The following MYCBP2 variants were observed in gnomAD, a reference collection of about 807,000 sequenced individuals.
MYCBP2 encodes the protein E3 ubiquitin-protein ligase MYCBP2.
Under a neutral mutation model 525.3 loss-of-function variants are expected in MYCBP2, and 120 were observed. That is an observed-to-expected ratio of 0.23 (90% CI 0.20 to 0.27). The LOEUF (loss-of-function observed/expected upper bound fraction) is 0.27. MYCBP2 is among the 10% of genes least tolerant of loss of function. The probability of loss-of-function intolerance (pLI) is 1.00; values close to 1 mark genes in which losing one functional copy is unlikely to be tolerated. For synonymous variants in MYCBP2, 1,894 were observed against 1,955.8 expected (o/e 0.97, Z 0.83); for missense variants, 4,149 against 5,657.1 (o/e 0.73, Z 8.55).
At chr13:77,145,461 C>A (rs779520457) in intron 48 of MYCBP2, among the ~76,000 whole-genome samples, 1 of 152,076 alleles carries the variant, frequency 6.6e-6, no homozygotes, top group East Asian at 1.9e-4. Flanking sequence ...TCTACCTATG[C>A]CATCTATCTA....
chr13:77,274,981 T>C (rs2154348061), intron 4 of MYCBP2, among the ~76,000 whole-genome samples: 1 of 152,238 alleles, frequency 6.6e-6, no homozygotes, highest in South Asian at 2.1e-4. Context: ...CATCCTTTCA[T>C]CTATCCCTGT....
chr13:77,243,719 C>A, intron 16 of MYCBP2, 87 bp downstream of exon 16: 2 of 1,144,346 alleles, frequency 1.7e-6, no homozygotes, highest in South Asian at 2.0e-5. Context: ...AATTTATTAA[C>A]ATATATCTAA....
intron 66 of MYCBP2, chr13:77,078,001 A>G (rs1395082427): frequency 6.6e-6 from 1 of 152,210 alleles, no homozygotes; most frequent in Non-Finnish European, 1.5e-5. Flanking sequence ...CATAAAATAA[A>G]AACTGTTCTT....
chr13:77,288,668 A>G (rs996402090), intron 2 of MYCBP2, among the ~76,000 whole-genome samples: 3 of 152,210 alleles, frequency 2.0e-5, no homozygotes, highest in Non-Finnish European at 4.4e-5. Context: ...AACAAAGCTT[A>G]ACTCTTAGAG....
chr13:77,261,097 T>C, intron 12 of MYCBP2, 74 bp downstream of exon 12: 3 of 1,213,658 alleles, frequency 2.5e-6, no homozygotes, highest in South Asian at 1.6e-5. Context: ...ATAAACTTTA[T>C]CTTAATAAAG....
At chr13:77,119,229 T>C (rs1236597104) in intron 55 of MYCBP2, among the ~76,000 whole-genome samples, 4 of 152,170 alleles carry the variant, frequency 2.6e-5, no homozygotes, top group Non-Finnish European at 5.9e-5. Context: ...ATAATGAAAT[T>C]ATGTGATGGA....
intron 53 of MYCBP2, 138 bp downstream of exon 53, chr13:77,126,180 T>C (rs1466405968): frequency 3.1e-6 from 2 of 636,190 alleles, no homozygotes; most frequent in African/African-American, 1.8e-5. Context: ...AAATTATGTA[T>C]TTGCAATACA....
rs2040629692 is a variant in MYCBP2, at chr13:77,068,884, T to C, written c.11905-53A>G. The C allele has an allele frequency of 7.1e-6, 11 of 1,540,144 alleles. No individual in the cohort carries two copies. The East Asian group carries it at 1.8e-4, about 25-fold the overall frequency. ...AAAATATAGGGTTAGTTTGATTTAC[T>C]ACTCCTAGCAAAACAAGCAAACAAA... On this transcript the variant is annotated intron_variant, in intron 69 of 82. Coordinates refer to ENST00000544440, the MANE Select transcript of MYCBP2 (RefSeq NM_015057.5).
intron 2 of MYCBP2, among the ~76,000 whole-genome samples, chr13:77,291,195 G>C (rs748548983): frequency 9.9e-5 from 15 of 151,978 alleles, no homozygotes; most frequent in Non-Finnish European, 1.8e-4. Flanking sequence ...TCAATAAGAA[G>C]AAGACAATTA....
chr13:77,083,199 C>A lies in MYCBP2; in HGVS notation c.10876-7G>T. 4 of 1,609,834 alleles carry A rather than the reference C, an allele frequency of 2.5e-6. No homozygotes were observed. The highest frequency in any genetic ancestry group is 3.4e-6 in the Non-Finnish European group (4 of 1,177,752). On this transcript the variant is annotated splice_polypyrimidine_tract_variant and splice_region_variant and intron_variant, in intron 62 of 82. Coordinates refer to ENST00000544440, the MANE Select transcript of MYCBP2 (RefSeq NM_015057.5). The stretch of plus-strand genomic sequence containing the variant: ...ATACTCTTGTATCTTTCTCCTAAGG[C>A]AGAAATTGAAACAAGTTTATCAGTT...
intron 32 of MYCBP2, among the ~76,000 whole-genome samples, chr13:77,184,356 A>G (rs2060533537): frequency 2.6e-5 from 4 of 152,164 alleles, no homozygotes; most frequent in African/African-American, 9.7e-5. Flanking sequence ...ATATTCTTTC[A>G]CATTTTAATC....
intron 65 of MYCBP2, among the ~76,000 whole-genome samples, chr13:77,079,504 T>C (rs1255514474): frequency 6.6e-6 from 1 of 152,216 alleles, no homozygotes; most frequent in East Asian, 1.9e-4. Flanking sequence ...TTAACATTAA[T>C]TCCTTGGAGA....
At chr13:77,061,580 C>G in intron 75 of MYCBP2, 82 bp downstream of exon 75, 1 of 1,478,252 alleles carries the variant, frequency 6.8e-7, no homozygotes. Context: ...CACTTTTTCC[C>G]CCTACTACAC....
At chr13:77,193,200 C>T (rs1243962576) in intron 27 of MYCBP2, among the ~76,000 whole-genome samples, 2 of 151,838 alleles carry the variant, frequency 1.3e-5, no homozygotes, top group African/African-American at 4.8e-5. Flanking sequence ...CACCTTAAGG[C>T]TTTGCTGAAA....
Position 77,081,363 on chromosome 13 carries a change from A to G in MYCBP2, c.11418+64T>C. The G allele has an allele frequency of 7.4e-7, 1 of 1,350,996 alleles. No individual in the cohort carries two copies. The highest frequency in any genetic ancestry group is 2.0e-5 in the Admixed American group (1 of 50,882). The allele number at this position is 1,350,996 out of a possible 1,614,324, so 83.7% of individuals were successfully genotyped here. ...AAGCTTGTTGCTAAATTCAGAAATGAAAGTGCATGAATACTAAGATCTGAA... is the reference window on the plus strand; with the variant it reads ...AAGCTTGTTGCTAAATTCAGAAATGGAAGTGCATGAATACTAAGATCTGAA... On this transcript the variant is annotated intron_variant, in intron 65 of 82. Coordinates refer to ENST00000544440, the MANE Select transcript of MYCBP2 (RefSeq NM_015057.5). This position sits in a 1 kb window ranked among gnomAD's most constrained non-coding sequence, Gnocchi z 4.6.
At chr13:77,062,394 C>A (rs1231881248) in intron 74 of MYCBP2, among the ~76,000 whole-genome samples, 2 of 152,094 alleles carry the variant, frequency 1.3e-5, no homozygotes, top group African/African-American at 4.8e-5. Flanking sequence ...AAATAAAAGC[C>A]CCTAAAGTTT....
intron 1 of MYCBP2, among the ~76,000 whole-genome samples, chr13:77,312,574 A>G (rs2080391327): frequency 6.6e-6 from 1 of 151,990 alleles, no homozygotes; most frequent in Non-Finnish European, 1.5e-5. Context: ...CTAGGGCATA[A>G]AAAAAGTAAA....
At chr13:77,237,719 G>A (rs2068137919) in intron 17 of MYCBP2, among the ~76,000 whole-genome samples, 2 of 151,962 alleles carry the variant, frequency 1.3e-5, no homozygotes, top group Admixed American at 6.6e-5. Flanking sequence ...ATCACAGTAT[G>A]AAATTATATG....
intron 46 of MYCBP2, among the ~76,000 whole-genome samples, chr13:77,153,088 A>T (rs965321444): frequency 7.1e-6 from 1 of 141,702 alleles, no homozygotes; most frequent in Non-Finnish European, 1.6e-5. Context: ...AAAAAAAAAA[A>T]TCTGCTGTAT....
Sources: allele counts gnomAD v4.1 joint callset (sites outside exome capture counted in the v4.1 genomes callset), GRCh38; gene constraint gnomAD v4.1.1; non-coding constraint Gnocchi (gnomAD v3.1); transcripts MANE v1.5; gene names NCBI Gene and HGNC (gene_info 2026-07-23, HGNC 2026-07-21).